SMIM13: variants seen among roughly 807,000 people sequenced by gnomAD.
SMIM13 encodes the protein UPF0766 protein C6orf228.
A neutral mutation model predicts 5.9 loss-of-function variants in SMIM13; 3 were observed. The ratio of observed to expected loss-of-function variants is 0.51; its 90% CI spans 0.23 to 1.31. The LOEUF (loss-of-function observed/expected upper bound fraction) is 1.31, where lower values mean the gene tolerates loss of function less well. SMIM13 is among the 40% of genes most tolerant of loss of function. SMIM13 has a pLI of 0.18. For synonymous variants in SMIM13, 55 were observed against 46.0 expected (o/e 1.19, Z -0.79); for missense variants, 85 against 109.9 (o/e 0.77, Z 1.01).
At chr6:11,095,631 C>T (rs1757913778) in intron 1 of SMIM13, among the ~76,000 whole-genome samples, 2 of 152,344 alleles carry the variant, frequency 1.3e-5, no homozygotes, top group Non-Finnish European at 2.9e-5. Flanking sequence ...GGATTACAGG[C>T]ATGAGTCACT....
chr6:11,113,970 C>A (rs150961768), intron 1 of SMIM13, among the ~76,000 whole-genome samples: 1 of 144,310 alleles, frequency 6.9e-6, no homozygotes, highest in Non-Finnish European at 1.5e-5. Flanking sequence ...TAAAGTTATT[C>A]TTTTTGTTTT....
At chr6:11,120,656 GT>G (rs1359707175) in intron 1 of SMIM13, among the ~76,000 whole-genome samples, 5 of 152,302 alleles carry the variant, frequency 3.3e-5, no homozygotes, top group African/African-American at 1.2e-4. Flanking sequence ...ATAGTGCTTT[GT>G]GTTTCAGTCA....
At chr6:11,111,127 G>C (rs1045847347) in intron 1 of SMIM13, among the ~76,000 whole-genome samples, 1 of 152,188 alleles carries the variant, frequency 6.6e-6, no homozygotes, top group African/African-American at 2.4e-5. Flanking sequence ...CATCCGTAAG[G>C]GAGTCCATCT....
chr6:11,116,700 T>C (rs922060028), intron 1 of SMIM13, among the ~76,000 whole-genome samples: 1 of 152,186 alleles, frequency 6.6e-6, no homozygotes, highest in Non-Finnish European at 1.5e-5. Context: ...TGATATTGAT[T>C]ATTTGTGTCC....
intron 1 of SMIM13, among the ~76,000 whole-genome samples, chr6:11,118,687 A>C (rs920612053): frequency 6.6e-6 from 1 of 152,202 alleles, no homozygotes; most frequent in Non-Finnish European, 1.5e-5. Context: ...ATAATACTTA[A>C]AATTCTTAGT....
At chr6:11,123,548 G>A (rs774470077) in intron 1 of SMIM13, among the ~76,000 whole-genome samples, 8 of 152,210 alleles carry the variant, frequency 5.3e-5, no homozygotes, top group Non-Finnish European at 7.3e-5. Flanking sequence ...GCAGCAAGGA[G>A]TGTGGCATAC....
Position 11,127,248 on chromosome 6 carries a change from T to C in SMIM13, c.77-7155T>C, listed in dbSNP as rs181415187. ...TGGGGTGAGTTCTCCCCTAGCTGTC[T>C]GGGAGCCAGAGCCAGGAGTTGGGAA... is the stretch of plus-strand genomic sequence containing the variant. On this transcript the variant is annotated intron_variant, in intron 1 of 1. Coordinates refer to ENST00000416247, the MANE Select transcript of SMIM13 (RefSeq NM_001135575.2). 4.4e-3 allele frequency among the ~76,000 whole-genome samples: 666 copies of C among 152,326 alleles called. 2 individuals carry two copies. Among genetic ancestry groups the C allele is most frequent in the African/African-American group, 0.015 (633 of 41,574 alleles).
At chr6:11,134,037 G>A (rs1003626759) in intron 1 of SMIM13, among the ~76,000 whole-genome samples, 7 of 151,680 alleles carry the variant, frequency 4.6e-5, no homozygotes, top group Admixed American at 6.6e-5. Flanking sequence ...AAATAGCACC[G>A]AGATATGAAA....
In SMIM13 at chr6:11,135,450, C is replaced by T. The variant is rs988062462; in HGVS notation, c.*848C>T. 6 of 152,524 alleles carry T rather than the reference C, an allele frequency of 3.9e-5. No individual in the cohort carries two copies. In the East Asian group the frequency reaches 1.2e-3, roughly 29 times the overall value. 9.4% of individuals were successfully genotyped at this position (152,524 alleles called of 1,614,324 possible). On this transcript the variant is annotated 3_prime_UTR_variant, in exon 2 of 2. Coordinates refer to ENST00000416247, the MANE Select transcript of SMIM13 (RefSeq NM_001135575.2). ...GAATTGATGAAACAAAATTCAAAGC[C>T]ACAAGAGGCTGGTGTGACCGATTCA...
At chr6:11,094,444 TGG>T (rs1257658843) in intron 1 of SMIM13, 55 bp downstream of exon 1, 1 of 1,289,920 alleles carries the variant, frequency 7.8e-7, no homozygotes, top group Non-Finnish European at 1.1e-6. Flanking sequence ...GCTGATCTGC[TGG>T]GGTTTTTTTT....
At chr6:11,130,072 C>T (rs1758432175) in intron 1 of SMIM13, among the ~76,000 whole-genome samples, 1 of 152,086 alleles carries the variant, frequency 6.6e-6, no homozygotes, top group Non-Finnish European at 1.5e-5. Context: ...TGGAAACACC[C>T]TGTCTTCCTG....
At chr6:11,106,824 T>G (rs997254728) in intron 1 of SMIM13, among the ~76,000 whole-genome samples, 8 of 152,354 alleles carry the variant, frequency 5.3e-5, no homozygotes, top group African/African-American at 1.9e-4. Context: ...AATGAACAGC[T>G]TCTAATAGCT....
At chr6:11,106,355 T>C (rs954666663) in intron 1 of SMIM13, among the ~76,000 whole-genome samples, 2 of 152,344 alleles carry the variant, frequency 1.3e-5, no homozygotes, top group African/African-American at 2.4e-5. Flanking sequence ...CTCCTTTGGA[T>C]TGGACTTACT....
At chr6:11,125,426 T>C (rs955585143) in intron 1 of SMIM13, among the ~76,000 whole-genome samples, 4 of 151,540 alleles carry the variant, frequency 2.6e-5, no homozygotes, top group Non-Finnish European at 5.9e-5. Context: ...TGAAACCCCG[T>C]CTCTACTAAA....
intron 1 of SMIM13, among the ~76,000 whole-genome samples, chr6:11,102,060 G>A (rs780138565): frequency 2.6e-4 from 39 of 152,162 alleles, no homozygotes; most frequent in Admixed American, 7.9e-4. Flanking sequence ...ATTCTTAAAA[G>A]CCTTATAATT....
chr6:11,138,675 T>C lies in SMIM13; in HGVS notation c.*4073T>C, dbSNP rs552935811. Reference sequence around the variant, plus strand: ...GGTCAGTACTATGAAGCTTCTGTGGTTTGTATGATGTTTTAACTTTCACTT... The same window carrying C: ...GGTCAGTACTATGAAGCTTCTGTGGCTTGTATGATGTTTTAACTTTCACTT... On this transcript the variant is annotated 3_prime_UTR_variant, in exon 2 of 2. Transcript: ENST00000416247. 9 of 152,264 alleles carry C rather than the reference T, an allele frequency of 5.9e-5. No individual in the cohort carries two copies. Among genetic ancestry groups the C allele is most frequent in the Non-Finnish European group, 1.5e-5 (1 of 68,012 alleles). 9.4% of individuals were successfully genotyped at this position (152,264 alleles called of 1,614,324 possible). A position where few individuals can be genotyped will look rare whatever the true frequency, so the allele number is the denominator to read the frequency against.
chr6:11,113,525 T>C (rs1388021454), intron 1 of SMIM13, among the ~76,000 whole-genome samples: 1 of 152,196 alleles, frequency 6.6e-6, no homozygotes, highest in Non-Finnish European at 1.5e-5. Context: ...TTTTTGTTTG[T>C]TTTTATCAGA....
intron 1 of SMIM13, among the ~76,000 whole-genome samples, chr6:11,118,019 T>C (rs1316002102): frequency 2.6e-5 from 4 of 151,936 alleles, no homozygotes; most frequent in African/African-American, 9.7e-5. Flanking sequence ...TACAGGTGCA[T>C]GCCACCATTC....
At chr6:11,119,987 G>A (rs1320073007) in intron 1 of SMIM13, among the ~76,000 whole-genome samples, 4 of 152,146 alleles carry the variant, frequency 2.6e-5, no homozygotes, top group African/African-American at 9.7e-5. Flanking sequence ...TCTACATTTA[G>A]GATTTGGACA....
Sources: allele counts gnomAD v4.1 joint callset (sites outside exome capture counted in the v4.1 genomes callset), GRCh38; gene constraint gnomAD v4.1.1; transcripts MANE v1.5; gene names NCBI Gene and HGNC (gene_info 2026-07-23, HGNC 2026-07-21).